ZFAT: variants seen among roughly 807,000 people sequenced by gnomAD.
The protein encoded by ZFAT is zinc finger protein ZFAT.
In ZFAT, 64 loss-of-function variants were observed where a neutral mutation model predicts 117.7. The observed-to-expected ratio is 0.54, with a 90% CI of 0.44 to 0.67. The LOEUF (loss-of-function observed/expected upper bound fraction) is 0.67, where lower values mean the gene tolerates loss of function less well. ZFAT is among the 30% of genes least tolerant of loss of function. ZFAT has a pLI of 0.00. For missense variants in ZFAT, 1,433 were observed against 1,584.5 expected, an observed-to-expected ratio of 0.90 and a Z score of 1.62; for synonymous variants, 679 against 615.0, an observed-to-expected ratio of 1.10 and a Z score of -1.54.
At chr8:134,534,766 AG>A (rs1821701608) in intron 11 of ZFAT, among the ~76,000 whole-genome samples, 1 of 79,232 alleles carries the variant, frequency 1.3e-5, no homozygotes, top group African/African-American at 4.9e-5. Flanking sequence ...GGAGAGGGAG[AG>A]AGGGAGAAAG....
At chr8:134,679,747 C>G (rs10109224) in intron 1 of ZFAT, among the ~76,000 whole-genome samples, 4,840 of 152,186 alleles carry the variant, frequency 0.032, 264 homozygotes, top group African/African-American at 0.11. Flanking sequence ...CCATGGAATA[C>G]TATGCAGCCA....
the ZFAT span, among the ~76,000 whole-genome samples, chr8:134,740,193 C>T: frequency 9.9e-5 from 15 of 152,188 alleles, no homozygotes; most frequent in Admixed American, 3.9e-4. Flanking sequence ...CACTCTCAGA[C>T]GGGAGGCACC....
intron 1 of ZFAT, chr8:134,696,416 CA>C: frequency 1.0e-6 from 1 of 985,616 alleles, no homozygotes; most frequent in African/African-American, 1.7e-5. Context: ...TGGAAACTCG[CA>C]TCGGGAGAAT....
At chr8:134,754,767 T>C in the ZFAT span, among the ~76,000 whole-genome samples, 4 of 152,194 alleles carry the variant, frequency 2.6e-5, no homozygotes, top group African/African-American at 9.7e-5. Context: ...GCACATCATA[T>C]TCTCAGGGAC....
intron 13 of ZFAT, 139 bp from the exon 14 acceptor site, chr8:134,512,740 A>C: frequency 8.9e-7 from 1 of 1,123,514 alleles, no homozygotes; most frequent in Non-Finnish European, 1.2e-6. Flanking sequence ...GGCACCCCTG[A>C]GAAACCAGTT....
At chr8:134,785,858 T>C in the ZFAT span, 1 of 152,178 alleles carries the variant, frequency 6.6e-6, no homozygotes, top group African/African-American at 2.4e-5. Context: ...GTTGAGAATT[T>C]GATTGGAACT....
intron 3 of ZFAT, among the ~76,000 whole-genome samples, chr8:134,623,187 A>G (rs571002879): frequency 7.9e-5 from 12 of 151,976 alleles, no homozygotes; most frequent in African/African-American, 2.9e-4. Flanking sequence ...AACGAGGCAC[A>G]CCCCCAATCA....
rs1184039981 is a variant in ZFAT, at chr8:134,491,151, C to T, written c.3493-12430G>A. 3.3e-5 allele frequency among the ~76,000 whole-genome samples: 5 copies of T among 152,230 alleles called. No individual in the cohort carries two copies. The East Asian group carries it at 5.8e-4, about 18-fold the overall frequency. On this transcript the variant is annotated intron_variant, in intron 15 of 15. Transcript: ENST00000377838. Reference sequence around the variant, plus strand: ...TATTTATGATGATCTGAACCTAGAACCTAACTGTTTCACATGTAAACACAG... The same window carrying T: ...TATTTATGATGATCTGAACCTAGAATCTAACTGTTTCACATGTAAACACAG...
intron 1 of ZFAT, among the ~76,000 whole-genome samples, chr8:134,667,303 T>G (rs1030532428): frequency 3.3e-5 from 5 of 152,066 alleles, no homozygotes; most frequent in Non-Finnish European, 7.4e-5. Context: ...CCACCCTGGC[T>G]AACACAGTGA....
chr8:134,664,130 AC>A (rs1280640259), intron 1 of ZFAT, among the ~76,000 whole-genome samples: 1 of 151,078 alleles, frequency 6.6e-6, no homozygotes, highest in Non-Finnish European at 1.5e-5. Flanking sequence ...CATGGGCTCT[AC>A]CCCCCACTCC....
chr8:134,817,441 C>G, the ZFAT span, among the ~76,000 whole-genome samples: 1 of 114,688 alleles, frequency 8.7e-6, no homozygotes, highest in Non-Finnish European at 1.9e-5. Context: ...ACACACAACG[C>G]ACCCTTATTG....
At chr8:134,566,225 T>C (rs1442063460) in intron 10 of ZFAT, among the ~76,000 whole-genome samples, 1 of 151,920 alleles carries the variant, frequency 6.6e-6, no homozygotes, top group African/African-American at 2.4e-5. Flanking sequence ...AAACCCTGTC[T>C]CTACTAAAAA....
chr8:134,572,683 T>C (rs1048929106), intron 10 of ZFAT, among the ~76,000 whole-genome samples: 4 of 152,200 alleles, frequency 2.6e-5, no homozygotes, highest in African/African-American at 9.7e-5. Context: ...CAGTCAAATG[T>C]CATTCTGAGC....
At position 134,655,011 on chromosome 8, in the gene ZFAT, A is replaced by C. The variant is rs111864947; in HGVS notation, c.196+2550T>G. ...CCTCAGGGTGACCCCAAGCTGAGTGAGTCCCAGCCACATACAGGAGTGAAC... is the reference window on the plus strand; with the variant it reads ...CCTCAGGGTGACCCCAAGCTGAGTGCGTCCCAGCCACATACAGGAGTGAAC... On this transcript the variant is annotated intron_variant, in intron 2 of 15. Transcript: ENST00000377838. Among the ~76,000 whole-genome samples, 38 of 152,326 alleles carry C rather than the reference A, an allele frequency of 2.5e-4. 1 individual carries two copies. The highest frequency in any genetic ancestry group is 9.1e-4 in the African/African-American group (38 of 41,580).
At chr8:134,717,491 T>TTTTTTTTTTTG (rs1814225351), upstream of ZFAT, among the ~76,000 whole-genome samples, 1 of 99,396 alleles carries the variant, frequency 1.0e-5, no homozygotes, top group Non-Finnish European at 2.0e-5. Flanking sequence ...TTTTTTTTTT[T>TTTTTTTTTTTG]TTTTTTTTTT....
chr8:134,741,778 C>A, the ZFAT span, among the ~76,000 whole-genome samples: 1 of 152,166 alleles, frequency 6.6e-6, no homozygotes, highest in African/African-American at 2.4e-5. Context: ...AAATCTCACT[C>A]AGCATCTGCA....
intron 11 of ZFAT, among the ~76,000 whole-genome samples, chr8:134,553,878 T>C (rs1460689423): frequency 1.3e-5 from 2 of 152,136 alleles, no homozygotes; most frequent in South Asian, 2.1e-4. Flanking sequence ...GATTCTATGA[T>C]AGTCTGACTG....
intron 1 of ZFAT, among the ~76,000 whole-genome samples, chr8:134,682,720 T>C (rs1378192696): frequency 6.6e-6 from 1 of 152,172 alleles, no homozygotes; most frequent in African/African-American, 2.4e-5. Context: ...TTCAGAAACA[T>C]TTCCATATAA....
intron 10 of ZFAT, among the ~76,000 whole-genome samples, chr8:134,578,037 C>T (rs1382653438): frequency 1.4e-5 from 2 of 141,282 alleles, no homozygotes; most frequent in Non-Finnish European, 1.6e-5. Context: ...TCCATTCAGA[C>T]AGGGGGAAAG....
Sources: gnomAD v4.1 joint callset for allele counts (sites outside exome capture counted in the v4.1 genomes callset) on GRCh38, gnomAD v4.1.1 for gene constraint, MANE v1.5 for transcripts, NCBI Gene and HGNC (gene_info 2026-07-23, HGNC 2026-07-21) for gene names.